ZNF341: variants seen among roughly 807,000 people sequenced by gnomAD.
ZNF341 encodes zinc finger protein 341.
ZNF341 carries 52 observed loss-of-function variants against 87.7 expected under a neutral mutation model. That is an observed-to-expected ratio of 0.59 (90% confidence interval 0.47 to 0.75). The LOEUF is 0.75. Ranked by LOEUF, ZNF341 falls within the 30% of genes least tolerant of loss-of-function variation. The pLI, the probability that ZNF341 is intolerant of heterozygous loss-of-function variation, is 0.00. For synonymous variants in ZNF341, 459 were observed against 472.7 expected (o/e 0.97, Z 0.38); for missense variants, 977 against 1,145.9 (o/e 0.85, Z 2.13).
chr20:33,754,239 AT>A (rs1466370800), intron 5 of ZNF341, among the ~76,000 whole-genome samples: 1 of 152,184 alleles, frequency 6.6e-6, no homozygotes, highest in Non-Finnish European at 1.5e-5. Context: ...GGGGCAAAGA[AT>A]TGGTGCCATA....
rs1200580123 is a variant in ZNF341, at chr20:33,732,131, A to AGCG, written c.31+80_31+81insCGG. The AGCG allele has an allele frequency of 3.8e-5, 37 of 967,170 alleles. No individual in the cohort carries two copies. In the Admixed American group the frequency reaches 2.1e-3, roughly 55 times the overall value. The allele number at this position is 967,170 out of a possible 1,614,324, so 59.9% of individuals were successfully genotyped here. A position where few individuals can be genotyped will look rare whatever the true frequency, so the allele number is the denominator to read the frequency against. The stretch of plus-strand genomic sequence containing the variant: ...GCCGCGCCCTCGCAGCGCCCGGCCT[A>AGCG]GGGCGCGCAGCGGCCGCGGGGCGGA... On this transcript the variant is annotated intron_variant, in intron 1 of 14. Coordinates refer to ENST00000375200, the MANE Select transcript of ZNF341 (RefSeq NM_001282933.2). The surrounding 1 kb of genome is among the most constrained non-coding windows in gnomAD (Gnocchi z 4.5).
intron 12 of ZNF341, 143 bp downstream of exon 12, chr20:33,784,007 C>T (rs1466325869): frequency 1.2e-5 from 9 of 755,224 alleles, no homozygotes; most frequent in Non-Finnish European, 1.7e-5. Flanking sequence ...TCTCCATCTC[C>T]CTCCCCATCT....
chr20:33,766,890 C>T lies in ZNF341; in HGVS notation c.1262C>T (p.Ala421Val). 6.2e-6 allele frequency: 10 copies of T among 1,613,798 alleles called. No individual in the cohort carries two copies. Among genetic ancestry groups the T allele is most frequent in the Non-Finnish European group, 7.6e-6 (9 of 1,179,830 alleles). ...QPLPGAPQPQALSTAGEEEGD... is the reference protein window; with the variant it reads ...QPLPGAPQPQVLSTAGEEEGD... ...CTGCCGGGTGCGCCACAGCCCCAGG[C>T]CTTGTCCACAGCTGGTGAGGAAGAG... is the stretch of plus-strand genomic sequence containing the variant. Residue 421 changes from alanine to valine, a missense_variant, in exon 9 of 15, where the codon GCC (alanine) becomes GTC (valine). Transcript: ENST00000375200.
intron 10 of ZNF341, among the ~76,000 whole-genome samples, chr20:33,780,906 C>A (rs1289689091): frequency 1.3e-5 from 2 of 151,828 alleles, no homozygotes; most frequent in Non-Finnish European, 2.9e-5. Context: ...AGGGGTCTTG[C>A]CATGTTGCCC....
At chr20:33,758,897 C>T in intron 7 of ZNF341, 91 bp downstream of exon 7, 1 of 1,157,874 alleles carries the variant, frequency 8.6e-7, no homozygotes, top group South Asian at 1.3e-5. Flanking sequence ...AGCCCCTAGC[C>T]TGTGGGGTGA....
In ZNF341 at chr20:33,749,044, C is replaced by G. The variant is rs2019000471; in HGVS notation, c.461C>G (p.Pro154Arg). Reference protein sequence around the residue: ...AMSAFTSLDQPMPQGPPPVQS... With the variant: ...AMSAFTSLDQRMPQGPPPVQS... Reference sequence around the variant, plus strand: ...TCAGCCTTCACATCCCTGGACCAGCCCATGCCCCAGGGCCCCCCACCTGTG... The same window carrying G: ...TCAGCCTTCACATCCCTGGACCAGCGCATGCCCCAGGGCCCCCCACCTGTG... Residue 154 changes from proline to arginine, a missense_variant, in exon 4 of 15, where the codon CCC becomes CGC. Around this residue, in one of 3 missense-constraint regions of ZNF341, gnomAD observed 515 missense variants for 598.2 expected, o/e 0.86. Transcript: ENST00000375200. The G allele has an allele frequency of 6.2e-7, 1 of 1,613,962 alleles. No homozygotes were observed. Among genetic ancestry groups the G allele is most frequent in the African/African-American group, 1.3e-5 (1 of 74,938 alleles).
At chr20:33,765,417 C>T (rs1306296362) in intron 8 of ZNF341, among the ~76,000 whole-genome samples, 1 of 150,548 alleles carries the variant, frequency 6.6e-6, no homozygotes, top group Non-Finnish European at 1.5e-5. Flanking sequence ...CTTGCTCTGT[C>T]ACCCAGGCTG....
chr20:33,757,251 TG>T lies in ZNF341; in HGVS notation c.846del (p.Met282IlefsTer18), dbSNP rs781088188. ...KPKGPNPAAP[M>X]TSATGGTVAT... ...AAAGGACCAAACCCCGCCGCCCCCA[TG>T]ACCAGCGCCACCGGGGGCACGGTGG... is the stretch of plus-strand genomic sequence containing the variant. On this transcript the variant is annotated frameshift_variant, in exon 6 of 15. Coordinates refer to ENST00000375200, the MANE Select transcript of ZNF341 (RefSeq NM_001282933.2). LOFTEE classifies it high-confidence loss of function. 2 of 1,606,098 alleles carry T rather than the reference TG, an allele frequency of 1.2e-6. No individual in the cohort carries two copies. The highest frequency in any genetic ancestry group is 1.7e-6 in the Non-Finnish European group (2 of 1,176,962).
intron 4 of ZNF341, among the ~76,000 whole-genome samples, chr20:33,750,923 G>A (rs1401731056): frequency 5.3e-5 from 8 of 151,990 alleles, no homozygotes; most frequent in Non-Finnish European, 1.2e-4. Flanking sequence ...TTACAGGCGT[G>A]AGCCACCGTG....
At chr20:33,774,459 T>C (rs2019591810) in intron 10 of ZNF341, among the ~76,000 whole-genome samples, 1 of 152,190 alleles carries the variant, frequency 6.6e-6, no homozygotes, top group South Asian at 2.1e-4. Context: ...TCTTGGTGGA[T>C]ATCCTTTGGC....
At chr20:33,783,654 A>G in intron 11 of ZNF341, 78 bp from the exon 12 acceptor site, 1 of 1,603,320 alleles carries the variant, frequency 6.2e-7, no homozygotes, top group Non-Finnish European at 8.5e-7. Context: ...GCTGGAAACG[A>G]GGAACCTTTG....
intron 10 of ZNF341, among the ~76,000 whole-genome samples, chr20:33,780,945 C>T (rs964733288): frequency 4.6e-5 from 7 of 152,106 alleles, no homozygotes; most frequent in Non-Finnish European, 1.0e-4. Flanking sequence ...TGGTCTCAAA[C>T]AATCCTCTCA....
chr20:33,761,820 C>A, intron 7 of ZNF341, 42 bp from the exon 8 acceptor site: 1 of 1,413,142 alleles, frequency 7.1e-7, no homozygotes, highest in Non-Finnish European at 9.4e-7. Flanking sequence ...AGGCCTCGTC[C>A]CCGTTCCTGC....
At position 33,791,660 on chromosome 20, in the gene ZNF341, C is replaced by T; in HGVS notation, c.*143C>T. The T allele has an allele frequency of 3.0e-6, 3 of 1,011,076 alleles. No individual in the cohort carries two copies. The highest frequency in any genetic ancestry group is 4.2e-6 in the Non-Finnish European group (3 of 720,980). The allele number at this position is 1,011,076 out of a possible 1,614,324, so 62.6% of individuals were successfully genotyped here. ...ATCCTGCTGAATGTCATTCAGAAAC[C>T]TCAGCCCATGGTCGCCCTCCTGTGC... is the stretch of plus-strand genomic sequence containing the variant. On this transcript the variant is annotated 3_prime_UTR_variant, in exon 15 of 15. Transcript: ENST00000375200.
intron 1 of ZNF341, among the ~76,000 whole-genome samples, chr20:33,738,590 ATTTTCTCACTTTGCAACT>A (rs2018741492): frequency 6.6e-6 from 1 of 152,078 alleles, no homozygotes; most frequent in Non-Finnish European, 1.5e-5. Context: ...CACTGTCATG[ATTTTCTCACTTTGCAACT>A]TTTTCAAAGG....
intron 4 of ZNF341, chr20:33,752,198 T>C (rs1354592865): frequency 2.5e-5 from 14 of 554,996 alleles, no homozygotes; most frequent in Non-Finnish European, 3.9e-5. Flanking sequence ...TGTCTGTAGA[T>C]TTTTGAAAGT....
intron 1 of ZNF341, among the ~76,000 whole-genome samples, chr20:33,736,612 C>T (rs1397871568): frequency 6.6e-6 from 1 of 152,098 alleles, no homozygotes; most frequent in Non-Finnish European, 1.5e-5. Flanking sequence ...GCCTCAGCCT[C>T]CCGAGTAGCT....
At chr20:33,747,082 CAA>C (rs1568936615) in intron 3 of ZNF341, among the ~76,000 whole-genome samples, 2 of 152,212 alleles carry the variant, frequency 1.3e-5, no homozygotes, top group South Asian at 4.1e-4. Flanking sequence ...GGTTCTGGAG[CAA>C]AGACACCCTG....
chr20:33,768,451 TCTCA>T (rs1008439995), intron 9 of ZNF341, among the ~76,000 whole-genome samples: 1 of 146,458 alleles, frequency 6.8e-6, no homozygotes, highest in Non-Finnish European at 1.5e-5. Context: ...TTAGACAGGG[TCTCA>T]CTCTGTCACC....
Sources: gnomAD v4.1 joint callset for allele counts (sites outside exome capture counted in the v4.1 genomes callset) on GRCh38, gnomAD v4.1.1 for gene constraint, gnomAD v4.1.1 regional missense constraint, Gnocchi (gnomAD v3.1) non-coding constraint, MANE v1.5 for transcripts, NCBI Gene and HGNC (gene_info 2026-07-23, HGNC 2026-07-21) for gene names.